Variants in TDRD1 observed in about 807,000 individuals in gnomAD.
TDRD1 encodes the protein tudor domain-containing protein 1.
Under a neutral mutation model 140.6 loss-of-function variants are expected in TDRD1, and 37 were observed. The ratio of observed to expected loss-of-function variants is 0.26; its 90% confidence interval spans 0.20 to 0.35. The LOEUF is 0.35. TDRD1 is among the 10% of genes least tolerant of loss of function. TDRD1 has a pLI of 1.00. For missense variants in TDRD1, 1,243 were observed against 1,393.0 expected (o/e 0.89, Z 1.71); for synonymous variants, 506 against 475.7 (o/e 1.06, Z -0.83).
In TDRD1 at chr10:114,204,263, C is replaced by A. The variant is rs1200065322; in HGVS notation, c.1125+47C>A. 1.9e-6 allele frequency: 3 copies of A among 1,542,074 alleles called. No homozygotes were observed. The African/African-American group carries it at 4.2e-5, about 21-fold the overall frequency. On this transcript the variant is annotated intron_variant, in intron 9 of 25. Transcript: ENST00000251864. Reference sequence around the variant, plus strand: ...GATTTTTAATAGTGTCCCAAAGGAGCTGTTGTCAATGTTTTGATGGGCACA... The same window carrying A: ...GATTTTTAATAGTGTCCCAAAGGAGATGTTGTCAATGTTTTGATGGGCACA...
chr10:114,186,278 T>TG (rs2033516342), intron 1 of TDRD1, among the ~76,000 whole-genome samples: 1 of 151,640 alleles, frequency 6.6e-6, no homozygotes, highest in African/African-American at 2.4e-5. Context: ...TTTGTTTGTT[T>TG]TTTGAGATGG....
intron 22 of TDRD1, 23 bp downstream of exon 22, chr10:114,226,239 A>G: frequency 1.9e-6 from 3 of 1,568,012 alleles, no homozygotes; most frequent in African/African-American, 2.8e-5. Flanking sequence ...GTCACTTTCC[A>G]ATTTAGGTTT....
Position 114,210,567 on chromosome 10 carries a change from TTTC to T in TDRD1, c.1385-9_1385-7del. 6.4e-7 allele frequency: 1 copy of T among 1,554,998 alleles called. No individual in the cohort carries two copies. The highest frequency in any genetic ancestry group is 8.7e-7 in the Non-Finnish European group (1 of 1,149,408). ...AAAACAAAATGGCTTATTTTTCTGT[TTTC>T]TTCTGATAAGGTGATCCTGAAGATG... On this transcript the variant is annotated splice_polypyrimidine_tract_variant and intron_variant, in intron 11 of 25. Coordinates refer to ENST00000251864, the Ensembl canonical transcript of TDRD1.
upstream of TDRD1, among the ~76,000 whole-genome samples, chr10:114,178,797 T>C (rs879545346): frequency 6.6e-6 from 1 of 151,434 alleles, no homozygotes; most frequent in Non-Finnish European, 1.5e-5. Context: ...TAACCATGAA[T>C]TGATAAGGTA....
chr10:114,228,194 G>A, intron 25 of TDRD1: 1 of 1,498,676 alleles, frequency 6.7e-7, no homozygotes, highest in Non-Finnish European at 8.9e-7. Flanking sequence ...CAGGCATATT[G>A]GCAGGATAGA....
chr10:114,220,508 A>G lies in TDRD1; in HGVS notation c.2495-60A>G, dbSNP rs991877456. The G allele has an allele frequency of 6.3e-5, 83 of 1,316,340 alleles. No homozygotes were observed. The African/African-American group carries it at 1.1e-3, about 17-fold the overall frequency. The allele number at this position is 1,316,340 out of a possible 1,614,324, so 81.5% of individuals were successfully genotyped here. A position where few individuals can be genotyped will look rare whatever the true frequency, so the allele number is the denominator to read the frequency against. On this transcript the variant is annotated intron_variant, in intron 18 of 25. Transcript: ENST00000251864. ...TGGCAAAGACCTGGTGCTGGGTACT[A>G]CTAAAGCAAAAATGAAACTTGTTCA...
chr10:114,215,769 CATAAT>C (rs2035780202), intron 16 of TDRD1, among the ~76,000 whole-genome samples: 1 of 151,950 alleles, frequency 6.6e-6, no homozygotes, highest in Non-Finnish European at 1.5e-5. Flanking sequence ...ATTATACAAA[CATAAT>C]ATAAAAATTC....
intron 16 of TDRD1, among the ~76,000 whole-genome samples, chr10:114,216,776 G>C: frequency 6.6e-6 from 1 of 152,182 alleles, no homozygotes; most frequent in Non-Finnish European, 1.5e-5. Context: ...TGTCTATTGT[G>C]TGTCCTTAAA....
intron 4 of TDRD1, 114 bp downstream of exon 4, chr10:114,199,431 A>T: frequency 1.5e-6 from 2 of 1,328,650 alleles, no homozygotes; most frequent in Non-Finnish European, 2.0e-6. Context: ...CCCATGCCAC[A>T]CACCCGTCTC....
chr10:114,214,004 A>G (rs1264294733), exon 16 of TDRD1: 3 of 1,613,892 alleles, frequency 1.9e-6, no homozygotes, highest in Non-Finnish European at 2.5e-6. Context: ...GGAAAAGTAA[A>G]TCCATTGGAG....
chr10:114,180,579 C>T (rs71484929), intron 1 of TDRD1, among the ~76,000 whole-genome samples: 12,684 of 152,226 alleles, frequency 0.083, 646 homozygotes, highest in Middle Eastern at 0.15. Context: ...GATTCTCCAG[C>T]CTCAGCCTTC....
At chr10:114,224,235 T>G (rs1439496582) in intron 21 of TDRD1, among the ~76,000 whole-genome samples, 2 of 152,236 alleles carry the variant, frequency 1.3e-5, no homozygotes, top group African/African-American at 4.8e-5. Context: ...CACTTAAAAT[T>G]TTGAGGCACT....
intron 23 of TDRD1, among the ~76,000 whole-genome samples, 166 bp from the exon 24 acceptor site, chr10:114,227,744 C>T (rs958295281): frequency 2.0e-5 from 3 of 152,178 alleles, no homozygotes; most frequent in Admixed American, 6.5e-5. Context: ...GTGGTCAAAT[C>T]CAGACCATGG....
At chr10:114,228,060 T>C in exon 25 of TDRD1, 1 of 1,609,456 alleles carries the variant, frequency 6.2e-7, no homozygotes, top group Non-Finnish European at 8.5e-7. Flanking sequence ...GAACATATTC[T>C]TCTCTTCCTC....
chr10:114,229,126 C>T (rs2036609630), intron 25 of TDRD1, among the ~76,000 whole-genome samples: 1 of 151,934 alleles, frequency 6.6e-6, no homozygotes, highest in Non-Finnish European at 1.5e-5. Flanking sequence ...CCTCTAATCT[C>T]AGAATAAAGT....
At chr10:114,214,073 A>G (rs2035655806) in exon 16 of TDRD1, 2 of 1,613,734 alleles carry the variant, frequency 1.2e-6, no homozygotes, top group Non-Finnish European at 1.7e-6. Flanking sequence ...TGTGTGATAT[A>G]TAGTCCTGGA....
chr10:114,185,162 G>T (rs1377194314), intron 1 of TDRD1, among the ~76,000 whole-genome samples: 3 of 152,100 alleles, frequency 2.0e-5, no homozygotes, highest in Admixed American at 2.0e-4. Flanking sequence ...ATGATTCAAA[G>T]ATTCCTGGCT....
In TDRD1 at chr10:114,187,812, A is replaced by G. The variant is rs369272847; in HGVS notation, c.-6-14A>G. Reference sequence around the variant, plus strand: ...AAATTAAAAGTTGTCTCTTAAATACATTTCTCTCCTTAGGCCTCGATGAGT... The same window carrying G: ...AAATTAAAAGTTGTCTCTTAAATACGTTTCTCTCCTTAGGCCTCGATGAGT... On this transcript the variant is annotated splice_polypyrimidine_tract_variant and intron_variant, in intron 1 of 25. Coordinates refer to ENST00000251864, the Ensembl canonical transcript of TDRD1. 1.8e-5 allele frequency: 28 copies of G among 1,533,552 alleles called. No individual in the cohort carries two copies. The highest frequency in any genetic ancestry group is 7.8e-5 in the South Asian group (6 of 76,986). 95.0% of individuals were successfully genotyped at this position (1,533,552 alleles called of 1,614,324 possible).
upstream of TDRD1, among the ~76,000 whole-genome samples, chr10:114,175,999 A>C (rs2032687591): frequency 2.0e-5 from 3 of 152,222 alleles, no homozygotes; most frequent in African/African-American, 4.8e-5. Context: ...ACTCCATGTA[A>C]TAATTGCAGA....
Sources: gnomAD v4.1 joint callset for allele counts (sites outside exome capture counted in the v4.1 genomes callset) on GRCh38, gnomAD v4.1.1 for gene constraint, MANE v1.5 for transcripts, NCBI Gene and HGNC (gene_info 2026-07-23, HGNC 2026-07-21) for gene names.